KCNMA1: variants seen among roughly 807,000 people sequenced by gnomAD.
The protein encoded by KCNMA1 is potassium calcium-activated channel subfamily M alpha 1, also known as Calcium-activated potassium channel subunit alpha-1.
A neutral mutation model predicts 140.0 loss-of-function variants in KCNMA1; 29 were observed. The observed-to-expected ratio is 0.21, with a 90% CI of 0.15 to 0.28. The LOEUF is 0.28. Ranked by LOEUF, KCNMA1 falls within the 10% of genes least tolerant of loss-of-function variation. The pLI is 1.00. For missense variants in KCNMA1, 880 were observed against 1,602.2 expected (o/e 0.55, Z 7.70); for synonymous variants, 612 against 611.9 (o/e 1.00, Z 0.00).
chr10:77,432,327 C>T (rs1228506110), intron 1 of KCNMA1, among the ~76,000 whole-genome samples: 1 of 152,212 alleles, frequency 6.6e-6, no homozygotes, highest in African/African-American at 2.4e-5. Context: ...CCCTGCTCAC[C>T]TGTTACTCTT....
chr10:77,348,180 G>A (rs1172204874), intron 2 of KCNMA1, among the ~76,000 whole-genome samples: 1 of 152,108 alleles, frequency 6.6e-6, no homozygotes, highest in Non-Finnish European at 1.5e-5. Flanking sequence ...GTAAATACGA[G>A]GAAACCATCA....
intron 2 of KCNMA1, among the ~76,000 whole-genome samples, chr10:77,388,475 T>C (rs572987317): frequency 6.6e-6 from 1 of 152,364 alleles, no homozygotes; most frequent in Admixed American, 6.5e-5. Context: ...TCAGTTCTTT[T>C]GAAAATTATT....
intron 5 of KCNMA1, among the ~76,000 whole-genome samples, chr10:77,172,396 G>A (rs1473141969): frequency 2.0e-5 from 3 of 152,072 alleles, no homozygotes; most frequent in Non-Finnish European, 2.9e-5. Flanking sequence ...CTCTACTTAC[G>A]GAGGGCATCT....
intron 1 of KCNMA1, among the ~76,000 whole-genome samples, chr10:77,557,838 CAG>C (rs1329515664): frequency 2.0e-5 from 3 of 151,946 alleles, no homozygotes; most frequent in African/African-American, 7.3e-5. Context: ...TTAGTAGAGA[CAG>C]GGTTTCACCA....
intron 14 of KCNMA1, among the ~76,000 whole-genome samples, chr10:77,054,239 GA>G (rs986623152): frequency 1.3e-5 from 2 of 151,818 alleles, no homozygotes; most frequent in Non-Finnish European, 1.5e-5. Context: ...AGGAGAAAGA[GA>G]AAAAAAATAC....
intron 23 of KCNMA1, among the ~76,000 whole-genome samples, chr10:76,923,376 C>T: frequency 6.7e-6 from 1 of 150,188 alleles, no homozygotes; most frequent in East Asian, 2.0e-4. Context: ...TTGCAGTGAG[C>T]TGAGATTGCA....
At chr10:76,929,455 T>C (rs950621097) in intron 23 of KCNMA1, among the ~76,000 whole-genome samples, 3 of 152,234 alleles carry the variant, frequency 2.0e-5, no homozygotes, top group East Asian at 1.9e-4. Context: ...ATGTGGAAGT[T>C]TGTGAATTTC....
intron 2 of KCNMA1, among the ~76,000 whole-genome samples, chr10:77,347,068 C>G (rs1177801736): frequency 1.3e-5 from 2 of 152,282 alleles, no homozygotes; most frequent in East Asian, 3.9e-4. Flanking sequence ...GGGTGAGTCC[C>G]TTAATCCCAC....
At position 77,001,474 on chromosome 10, in the gene KCNMA1, G is replaced by A; in HGVS notation, c.2199C>T (p.Asp733=). Residue 733 remains aspartate, a synonymous_variant, in exon 19 of 28, where the codon GAC becomes GAT. Coordinates refer to ENST00000286628, the MANE Select transcript of KCNMA1 (RefSeq NM_001161352.2). ...AAAGTGGGAAGGCTCTCTCAAGGGT[G>A]TCCACGTTACCACGCACACGGCCTG... The part of the protein sequence containing the change: ...CMSGRVRGNV[D]TLERAFPLSS... The A allele has an allele frequency of 6.4e-6, 10 of 1,551,874 alleles. No individual in the cohort carries two copies. The highest frequency in any genetic ancestry group is 7.8e-6 in the Non-Finnish European group (9 of 1,146,994).
intron 5 of KCNMA1, among the ~76,000 whole-genome samples, chr10:77,180,146 G>C (rs1042609823): frequency 6.6e-6 from 1 of 152,118 alleles, no homozygotes; most frequent in Non-Finnish European, 1.5e-5. Context: ...GATAGACTTC[G>C]GTTTCCTGCA....
intron 2 of KCNMA1, among the ~76,000 whole-genome samples, chr10:77,382,336 A>T (rs1037687722): frequency 1.8e-4 from 27 of 152,154 alleles, no homozygotes; most frequent in East Asian, 1.5e-3. Context: ...ATTAACTAAC[A>T]AGTCTATGAA....
At chr10:77,067,394 T>G (rs1259644245) in intron 14 of KCNMA1, among the ~76,000 whole-genome samples, 1 of 152,200 alleles carries the variant, frequency 6.6e-6, no homozygotes, top group Non-Finnish European at 1.5e-5. Context: ...TATACCATCT[T>G]CTTTCCTGGG....
intron 2 of KCNMA1, among the ~76,000 whole-genome samples, chr10:77,268,494 T>C (rs1468052614): frequency 1.3e-5 from 2 of 152,206 alleles, no homozygotes; most frequent in Admixed American, 6.5e-5. Flanking sequence ...CTGGAGATGA[T>C]GGGGACTGCT....
chr10:77,091,613 T>C (rs1379997788), intron 9 of KCNMA1: 1 of 152,222 alleles, frequency 6.6e-6, no homozygotes, highest in Non-Finnish European at 1.5e-5. Flanking sequence ...CCCAGGCTCA[T>C]AGTGACAGCA....
At chr10:77,009,571 A>G (rs1456935356) in intron 18 of KCNMA1, among the ~76,000 whole-genome samples, 2 of 152,106 alleles carry the variant, frequency 1.3e-5, no homozygotes, top group Non-Finnish European at 2.9e-5. Flanking sequence ...AGAACTAATG[A>G]TGACATTTCC....
At chr10:77,248,364 G>A (rs2059019525) in intron 3 of KCNMA1, among the ~76,000 whole-genome samples, 1 of 152,134 alleles carries the variant, frequency 6.6e-6, no homozygotes, top group African/African-American at 2.4e-5. Flanking sequence ...CATTCTGGAG[G>A]GGAGGGGCAG....
intron 2 of KCNMA1, among the ~76,000 whole-genome samples, chr10:77,317,580 G>A (rs2081217402): frequency 6.6e-6 from 1 of 152,242 alleles, no homozygotes; most frequent in Non-Finnish European, 1.5e-5. Context: ...GCCTCAGGAG[G>A]AGGGTTGGAA....
chr10:76,959,269 G>A (rs962974695), intron 20 of KCNMA1, among the ~76,000 whole-genome samples: 11 of 152,222 alleles, frequency 7.2e-5, no homozygotes, highest in Non-Finnish European at 1.3e-4. Context: ...CTGACTTATA[G>A]AGTCCATCTC....
intron 2 of KCNMA1, among the ~76,000 whole-genome samples, chr10:77,299,554 T>C (rs1461768190): frequency 1.3e-5 from 2 of 152,198 alleles, no homozygotes; most frequent in Non-Finnish European, 2.9e-5. Context: ...CCTATCAAGC[T>C]TTGGAAACAA....
Sources: gnomAD v4.1 joint callset for allele counts (sites outside exome capture counted in the v4.1 genomes callset) on GRCh38, gnomAD v4.1.1 for gene constraint, MANE v1.5 for transcripts, NCBI Gene and HGNC (gene_info 2026-07-23, HGNC 2026-07-21) for gene names.